ATRNL1: variants seen among roughly 807,000 people sequenced by gnomAD.
ATRNL1 encodes the protein attractin-like protein 1.
Under a neutral mutation model 182.7 loss-of-function variants are expected in ATRNL1, and 95 were observed. The ratio of observed to expected loss-of-function variants is 0.52; its 90% CI spans 0.44 to 0.62. The LOEUF is 0.62. Among genes scored for constraint, ATRNL1 ranks in the 20% least tolerant of loss-of-function variants. The pLI is 0.00. For synonymous variants in ATRNL1, 576 were observed against 568.3 expected (o/e 1.01, Z -0.19); for missense variants, 1,471 against 1,679.5 (o/e 0.88, Z 2.17).
chr10:115,409,071 A>G lies in ATRNL1; in HGVS notation c.3269+14319A>G, dbSNP rs1229342149. On this transcript the variant is annotated intron_variant, in intron 20 of 28. Transcript: ENST00000355044. ...TACTAAAGGTCTTCTGAGGTTCTAT[A>G]CAAATTTTATTTTATTACTTTTTTC... 2.0e-5 allele frequency among the ~76,000 whole-genome samples: 3 copies of G among 152,098 alleles called. No homozygotes were observed. In the East Asian group the frequency reaches 5.8e-4, roughly 29 times the overall value.
At chr10:115,461,913 A>C in intron 21 of ATRNL1, 28 bp from the exon 22 acceptor site, 1 of 1,513,854 alleles carries the variant, frequency 6.6e-7, no homozygotes, top group Non-Finnish European at 9.1e-7. Context: ...AGTACATATC[A>C]GGATTGTACT....
chr10:115,932,344 C>CT (rs1555121849), intron 28 of ATRNL1, among the ~76,000 whole-genome samples: 1 of 152,190 alleles, frequency 6.6e-6, no homozygotes, highest in Non-Finnish European at 1.5e-5. Flanking sequence ...GAGAAATGTA[C>CT]TGTCCAACTC....
intron 19 of ATRNL1, among the ~76,000 whole-genome samples, chr10:115,356,092 G>A (rs1434326311): frequency 6.6e-6 from 1 of 152,018 alleles, no homozygotes; most frequent in Non-Finnish European, 1.5e-5. Flanking sequence ...TGAGACTCAA[G>A]GGTAGTAAAA....
chr10:115,241,586 A>G lies in ATRNL1; in HGVS notation c.1548A>G (p.Glu516=), dbSNP rs200170764. ...VNTKTWTILK[E]SGFARYLHSA... is the part of the protein sequence containing the mutation. ...TATTCTGTAGGACTATTTTGAAAGA[A>G]AGTGGGTTTGCCAGATACCTTCATT... The change falls in exon 10 of 29, where the codon GAA becomes GAG. Residue 516 remains glutamate, a synonymous_variant. Transcript: ENST00000355044. 4.4e-6 allele frequency: 7 copies of G among 1,603,232 alleles called. No individual in the cohort carries two copies. The highest frequency in any genetic ancestry group is 3.3e-4 in the Middle Eastern group (2 of 6,000).
At chr10:115,390,401 A>G (rs1843958710) in intron 19 of ATRNL1, among the ~76,000 whole-genome samples, 1 of 152,110 alleles carries the variant, frequency 6.6e-6, no homozygotes, top group Admixed American at 6.6e-5. Context: ...TTGCATGTGA[A>G]TATCTAGTTT....
chr10:115,649,934 T>A (rs2133878200), intron 26 of ATRNL1, among the ~76,000 whole-genome samples: 1 of 152,216 alleles, frequency 6.6e-6, no homozygotes, highest in East Asian at 1.9e-4. Context: ...AAGATAAAAG[T>A]GATAAAGTGA....
At chr10:115,924,837 C>T (rs989850254) in intron 28 of ATRNL1, among the ~76,000 whole-genome samples, 1 of 152,132 alleles carries the variant, frequency 6.6e-6, no homozygotes, top group Non-Finnish European at 1.5e-5. Flanking sequence ...TTACTTTGGG[C>T]AGTATGGCCA....
chr10:115,621,165 A>G (rs1345937704), intron 26 of ATRNL1, among the ~76,000 whole-genome samples: 1 of 151,246 alleles, frequency 6.6e-6, no homozygotes, highest in Non-Finnish European at 1.5e-5. Flanking sequence ...CAGAAGAAAA[A>G]CAATACATAG....
chr10:115,486,841 G>T (rs1162727965), intron 24 of ATRNL1, among the ~76,000 whole-genome samples: 1 of 152,050 alleles, frequency 6.6e-6, no homozygotes, highest in African/African-American at 2.4e-5. Flanking sequence ...GTATTGCCCA[G>T]GTTTTCTTCT....
chr10:115,788,914 A>C (rs1382771109), intron 27 of ATRNL1, among the ~76,000 whole-genome samples: 1 of 152,244 alleles, frequency 6.6e-6, no homozygotes, highest in Non-Finnish European at 1.5e-5. Context: ...TGTCAGGAGC[A>C]CTGTGATCTT....
At chr10:115,863,148 C>A (rs1555103842) in intron 28 of ATRNL1, among the ~76,000 whole-genome samples, 1 of 152,102 alleles carries the variant, frequency 6.6e-6, no homozygotes, top group African/African-American at 2.4e-5. Flanking sequence ...TCTGAGTACA[C>A]TTTTGTATAT....
intron 26 of ATRNL1, among the ~76,000 whole-genome samples, chr10:115,676,871 C>A (rs899635430): frequency 6.6e-6 from 1 of 151,970 alleles, no homozygotes; most frequent in African/African-American, 2.4e-5. Flanking sequence ...GTCAGATATG[C>A]TTAAATATCG....
intron 9 of ATRNL1, among the ~76,000 whole-genome samples, chr10:115,224,577 T>A (rs1395333420): frequency 2.0e-5 from 3 of 151,994 alleles, no homozygotes; most frequent in Non-Finnish European, 2.9e-5. Context: ...TTTTTAATAG[T>A]AATAGATAAA....
chr10:115,164,736 T>C (rs1371909324), intron 6 of ATRNL1, among the ~76,000 whole-genome samples: 1 of 152,090 alleles, frequency 6.6e-6, no homozygotes, highest in African/African-American at 2.4e-5. Flanking sequence ...GAGACAAATA[T>C]TGCATGTCTT....
chr10:115,389,580 ATATATATATATT>A lies in ATRNL1; in HGVS notation c.3176-5077_3176-5066del, dbSNP rs1564990288. Among the ~76,000 whole-genome samples the A allele has an allele frequency of 5.2e-4, 57 of 108,990 alleles. 2 individuals carry two copies. Among genetic ancestry groups the A allele is most frequent in the African/African-American group, 1.6e-3 (45 of 28,900 alleles). 71.5% of individuals were successfully genotyped at this position (108,990 alleles called of 152,430 possible). A position where few individuals can be genotyped will look rare whatever the true frequency, so the allele number is the denominator to read the frequency against. ...TATATATATATATATATATATATATATATATATATATTTCATCCAATGATGGACACCTAGGTT... is the reference window on the plus strand; with the variant it reads ...TATATATATATATATATATATATATATCATCCAATGATGGACACCTAGGTT... On this transcript the variant is annotated intron_variant, in intron 19 of 28. Transcript: ENST00000355044.
At chr10:115,612,166 C>T (rs1056437577) in intron 26 of ATRNL1, among the ~76,000 whole-genome samples, 4 of 151,852 alleles carry the variant, frequency 2.6e-5, no homozygotes, top group African/African-American at 7.3e-5. Context: ...GCAGGAGAAT[C>T]GCTTGAACCT....
intron 8 of ATRNL1, among the ~76,000 whole-genome samples, chr10:115,191,054 CT>C (rs1271748529): frequency 1.3e-5 from 2 of 152,002 alleles, no homozygotes; most frequent in African/African-American, 4.8e-5. Context: ...GGATTTCATT[CT>C]TTTTTAATGG....
chr10:115,645,826 T>C (rs1263982556), intron 26 of ATRNL1, among the ~76,000 whole-genome samples: 1 of 152,090 alleles, frequency 6.6e-6, no homozygotes, highest in Non-Finnish European at 1.5e-5. Flanking sequence ...ACTCATTTCC[T>C]GCCACCCCAT....
intron 7 of ATRNL1, among the ~76,000 whole-genome samples, chr10:115,169,021 T>C (rs1188505120): frequency 6.7e-6 from 1 of 150,262 alleles, no homozygotes; most frequent in Non-Finnish European, 1.5e-5. Flanking sequence ...CAAGTTCTTT[T>C]TTTTTTTTTT....
Sources: allele counts gnomAD v4.1 joint callset (sites outside exome capture counted in the v4.1 genomes callset), GRCh38; gene constraint gnomAD v4.1.1; transcripts MANE v1.5; gene names NCBI Gene and HGNC (gene_info 2026-07-23, HGNC 2026-07-21).